The following LYRM4 variants were observed in gnomAD, a reference collection of about 807,000 sequenced individuals.
The protein encoded by LYRM4 is LYR motif containing 4.
A neutral mutation model predicts 11.7 loss-of-function variants in LYRM4; 9 were observed. That is an observed-to-expected ratio of 0.77 (90% CI 0.46 to 1.34). The LOEUF is 1.34. LYRM4 is among the 40% of genes most tolerant of loss of function. The pLI is 0.00. For missense variants in LYRM4, 133 were observed against 112.5 expected (o/e 1.18, Z -0.82); for synonymous variants, 42 against 40.4 (o/e 1.04, Z -0.15).
intron 1 of LYRM4, among the ~76,000 whole-genome samples, chr6:5,253,515 T>A (rs1764525569): frequency 6.6e-6 from 1 of 152,336 alleles, no homozygotes; most frequent in South Asian, 2.1e-4. Flanking sequence ...AGCAATTTTC[T>A]TATTTGAGCT....
chr6:5,077,428 G>A, the LYRM4 span, among the ~76,000 whole-genome samples: 3 of 152,168 alleles, frequency 2.0e-5, no homozygotes, highest in Non-Finnish European at 4.4e-5. Context: ...GACCTGCTCC[G>A]GGTGATGATG....
At chr6:5,164,022 C>A (rs1232313358) in intron 2 of LYRM4, among the ~76,000 whole-genome samples, 2 of 152,148 alleles carry the variant, frequency 1.3e-5, no homozygotes, top group African/African-American at 4.8e-5. Context: ...AGGCAATCAT[C>A]TCGTTAGAGA....
chr6:5,168,629 C>T (rs1759231176), intron 2 of LYRM4, among the ~76,000 whole-genome samples: 1 of 152,004 alleles, frequency 6.6e-6, no homozygotes, highest in Non-Finnish European at 1.5e-5. Context: ...ATGGACTGAC[C>T]CTTTACTGAT....
At chr6:5,203,730 C>G (rs967071997) in intron 2 of LYRM4, among the ~76,000 whole-genome samples, 5 of 152,186 alleles carry the variant, frequency 3.3e-5, no homozygotes, top group African/African-American at 1.2e-4. Context: ...TGTATTATAA[C>G]AAGAACAGCA....
the LYRM4 span, among the ~76,000 whole-genome samples, chr6:5,098,518 C>T: frequency 6.6e-6 from 1 of 152,202 alleles, no homozygotes; most frequent in African/African-American, 2.4e-5. Flanking sequence ...ATCTCCTGAA[C>T]CAGAACAACC....
chr6:5,250,530 A>G (rs970739946), intron 1 of LYRM4, among the ~76,000 whole-genome samples: 1 of 151,812 alleles, frequency 6.6e-6, no homozygotes, highest in African/African-American at 2.4e-5. Flanking sequence ...AGAGAAAAAA[A>G]TGTTTTTTGG....
At chr6:5,199,659 T>C (rs759033940) in intron 2 of LYRM4, among the ~76,000 whole-genome samples, 1 of 152,096 alleles carries the variant, frequency 6.6e-6, no homozygotes, top group South Asian at 2.1e-4. Flanking sequence ...GGCCCTGAAG[T>C]TGAGAAAAAT....
chr6:5,182,226 A>G (rs773078713), intron 2 of LYRM4, among the ~76,000 whole-genome samples: 4 of 152,132 alleles, frequency 2.6e-5, no homozygotes, highest in Non-Finnish European at 5.9e-5. Flanking sequence ...CTGAACCCCT[A>G]TGATGTTATG....
chr6:5,079,001 T>C, the LYRM4 span, among the ~76,000 whole-genome samples: 38 of 152,236 alleles, frequency 2.5e-4, no homozygotes, highest in Non-Finnish European at 5.1e-4. Context: ...GCTTTTCCTC[T>C]ATCCTCTTGG....
At chr6:5,046,853 G>C in the LYRM4 span, among the ~76,000 whole-genome samples, 1 of 152,202 alleles carries the variant, frequency 6.6e-6, no homozygotes, top group East Asian at 1.9e-4. Context: ...ACTTTGGGAG[G>C]CCAAGAAGGG....
the LYRM4 span, among the ~76,000 whole-genome samples, chr6:5,089,945 A>C: frequency 9.2e-5 from 14 of 152,096 alleles, no homozygotes; most frequent in African/African-American, 3.1e-4. Context: ...GTTTTTGAAA[A>C]GTTATTTCAA....
intron 2 of LYRM4, among the ~76,000 whole-genome samples, chr6:5,150,290 G>T (rs1267445154): frequency 2.6e-5 from 4 of 152,144 alleles, no homozygotes; most frequent in African/African-American, 7.2e-5. Flanking sequence ...AACCATATCT[G>T]CCCTCCTTGC....
At position 5,144,108 on chromosome 6, in the gene LYRM4, C is replaced by G. The variant is rs115753803; in HGVS notation, c.208-34617G>C. ...CTTAGAGAGGTGAGAGCGATCTGAT[C>G]TGATGTGACCACATAGTCAGAATGC... On this transcript the variant is annotated intron_variant, in intron 2 of 2. Transcript: ENST00000330636. 4,791 of 1,534,460 alleles carry G rather than the reference C, an allele frequency of 3.1e-3. 115 individuals carry two copies. In the African/African-American group the frequency reaches 0.053, roughly 17 times the overall value.
At chr6:5,083,041 G>C in the LYRM4 span, among the ~76,000 whole-genome samples, 1 of 151,364 alleles carries the variant, frequency 6.6e-6, no homozygotes, top group Non-Finnish European at 1.5e-5. Flanking sequence ...AGAGCTCCCC[G>C]GGGGTGGGAC....
chr6:5,149,478 T>G (rs1375372247), intron 2 of LYRM4, among the ~76,000 whole-genome samples: 1 of 152,178 alleles, frequency 6.6e-6, no homozygotes, highest in Non-Finnish European at 1.5e-5. Flanking sequence ...AAAGCTGGGA[T>G]TCAAACCTCT....
At chr6:5,244,838 G>A (rs1205120725) in intron 1 of LYRM4, among the ~76,000 whole-genome samples, 5 of 151,758 alleles carry the variant, frequency 3.3e-5, no homozygotes, top group Non-Finnish European at 7.4e-5. Context: ...CAGGATGAGT[G>A]TGGAGCTTTC....
intron 2 of LYRM4, among the ~76,000 whole-genome samples, chr6:5,139,462 C>T (rs141416112): frequency 2.8e-4 from 43 of 152,288 alleles, no homozygotes; most frequent in Middle Eastern, 6.8e-3. Context: ...ATGTTTGGCT[C>T]GATTTAAAAC....
At chr6:5,109,588 C>A in intron 2 of LYRM4, 97 bp from the exon 3 acceptor site, 1 of 1,304,006 alleles carries the variant, frequency 7.7e-7, no homozygotes, top group South Asian at 1.2e-5. Flanking sequence ...ATACAAACGT[C>A]GGCCATCCCA....
At chr6:5,069,371 A>T in the LYRM4 span, among the ~76,000 whole-genome samples, 1 of 75,074 alleles carries the variant, frequency 1.3e-5, no homozygotes, top group African/African-American at 5.7e-5. Flanking sequence ...ATGTTAACAT[A>T]AAAAAAAAAC....
Sources: gnomAD v4.1 joint callset for allele counts (sites outside exome capture counted in the v4.1 genomes callset) on GRCh38, gnomAD v4.1.1 for gene constraint, MANE v1.5 for transcripts, NCBI Gene and HGNC (gene_info 2026-07-23, HGNC 2026-07-21) for gene names.